The following NBEA variants were observed in gnomAD, a reference collection of about 807,000 sequenced individuals.
The protein encoded by NBEA is lysosomal-trafficking regulator 2.
Under a neutral mutation model 343.4 loss-of-function variants are expected in NBEA, and 44 were observed. That is an observed-to-expected ratio of 0.13 (90% CI 0.10 to 0.16). The LOEUF (loss-of-function observed/expected upper bound fraction) is 0.16, where lower values mean the gene tolerates loss of function less well. Among genes scored for constraint, NBEA ranks in the 10% least tolerant of loss-of-function variants. The probability of loss-of-function intolerance (pLI) is 1.00; values close to 1 mark genes in which losing one functional copy is unlikely to be tolerated. For missense variants in NBEA, 2,555 were observed against 3,631.3 expected, an observed-to-expected ratio of 0.70 and a Z score of 7.62; for synonymous variants, 1,175 against 1,238.7, an observed-to-expected ratio of 0.95 and a Z score of 1.08.
intron 18 of NBEA, among the ~76,000 whole-genome samples, chr13:35,150,793 TTAGAG>T (rs71078083): frequency 0.027 from 3,996 of 148,326 alleles, 70 homozygotes; most frequent in South Asian, 0.078. Context: ...TAATGATATT[TTAGAG>T]TAGAGTAGAG....
chr13:35,618,221 G>T (rs544010029), intron 48 of NBEA, among the ~76,000 whole-genome samples: 24 of 152,280 alleles, frequency 1.6e-4, no homozygotes, highest in African/African-American at 5.8e-4. Context: ...GTATGGATTA[G>T]TATTCTGTAC....
intron 38 of NBEA, among the ~76,000 whole-genome samples, chr13:35,368,020 G>A (rs182554295): frequency 2.1e-4 from 32 of 151,584 alleles, no homozygotes; most frequent in Non-Finnish European, 3.4e-4. Flanking sequence ...ATGTGTTATG[G>A]GCAGAGTTAT....
chr13:35,624,754 GATAAA>G (rs1454517276), intron 48 of NBEA, among the ~76,000 whole-genome samples: 1 of 151,722 alleles, frequency 6.6e-6, no homozygotes, highest in African/African-American at 2.4e-5. Context: ...AGAATATAAA[GATAAA>G]ATAAATTAAG....
chr13:35,269,749 G>T (rs1459075372), intron 34 of NBEA, among the ~76,000 whole-genome samples: 4 of 152,298 alleles, frequency 2.6e-5, no homozygotes, highest in African/African-American at 9.6e-5. Context: ...GGAAAGCTAT[G>T]TTTGTTTGGA....
chr13:35,056,204 A>G, intron 7 of NBEA, 75 bp downstream of exon 7: 1 of 1,208,722 alleles, frequency 8.3e-7, no homozygotes, highest in Non-Finnish European at 1.1e-6. Context: ...GAATTAAATA[A>G]TAAAATAGTT....
Position 35,288,871 on chromosome 13 carries a change from C to T in NBEA, c.5777-1518C>T, listed in dbSNP as rs549263030. Among the ~76,000 whole-genome samples, 9 of 151,872 alleles carry T rather than the reference C, an allele frequency of 5.9e-5. 1 individual carries two copies. The highest frequency in any genetic ancestry group is 2.6e-4 in the Admixed American group (4 of 15,180). On this transcript the variant is annotated intron_variant, in intron 34 of 58. Coordinates refer to ENST00000379939, the MANE Select transcript of NBEA (RefSeq NM_001385012.1). ...AGTAGTCAACAGGTGATAAATGTCC[C>T]ATTAATCTTTCTGACTCCCTAGAAC...
rs377168743 is a variant in NBEA, at chr13:35,146,609, G to C, written c.2445+4232G>C. Among the ~76,000 whole-genome samples the C allele has an allele frequency of 3.3e-5, 5 of 152,128 alleles. No individual in the cohort carries two copies. The East Asian group carries it at 9.7e-4, about 30-fold the overall frequency. ...GGGTCTGGTTGGGCTCCCTTGGCTG[G>C]GACAGGTATTGCGCCTGTGTCACAG... is the stretch of plus-strand genomic sequence containing the variant. On this transcript the variant is annotated intron_variant, in intron 18 of 58. Transcript: ENST00000379939.
Position 35,667,425 on chromosome 13 carries a change from A to C in NBEA, c.8516A>C (p.Glu2839Ala). Reference sequence around the variant, plus strand: ...ACTGGAGATTTGCTGAGAGCCCTTGAAGGACCAGAAAACTGCTTATTCCCA... The same window carrying C: ...ACTGGAGATTTGCTGAGAGCCCTTGCAGGACCAGAAAACTGCTTATTCCCA... Reference protein sequence around the residue: ...TITGDLLRALEGPENCLFPRL... With the variant: ...TITGDLLRALAGPENCLFPRL... Residue 2839 changes from glutamate to alanine, a missense_variant, in exon 57 of 59, where the codon GAA becomes GCA. Coordinates refer to ENST00000379939, the MANE Select transcript of NBEA (RefSeq NM_001385012.1). 1 of 1,613,972 alleles carries C rather than the reference A, an allele frequency of 6.2e-7. No individual in the cohort carries two copies.
At chr13:35,204,191 T>C (rs1474390536) in intron 31 of NBEA, among the ~76,000 whole-genome samples, 2 of 152,186 alleles carry the variant, frequency 1.3e-5, no homozygotes, top group Non-Finnish European at 2.9e-5. Flanking sequence ...CAAACCCTAC[T>C]GTGAACTGTG....
In NBEA at chr13:35,550,178, A is replaced by AC. The variant is rs1206222258; in HGVS notation, c.6586-298dup. ...GGAAAGAACCAACAATATATGTCTC[A>AC]CAGGTGGTCACCTGGTCCAATTAAT... On this transcript the variant is annotated intron_variant, in intron 41 of 58. Coordinates refer to ENST00000379939, the MANE Select transcript of NBEA (RefSeq NM_001385012.1). Among the ~76,000 whole-genome samples, 8 of 152,324 alleles carry AC rather than the reference A, an allele frequency of 5.3e-5. No individual in the cohort carries two copies. The East Asian group carries it at 1.5e-3, about 29-fold the overall frequency.
In NBEA at chr13:35,180,666, T is replaced by G. The variant is rs79750898; in HGVS notation, c.4663-1694T>G. On this transcript the variant is annotated intron_variant, in intron 28 of 58. Transcript: ENST00000379939. ...CTGTGCAGAATAATGGACTATTATT[T>G]CTTTTAAAAAATGTTCTATTTCCAT... Among the ~76,000 whole-genome samples the G allele has an allele frequency of 1.6e-3, 248 of 151,858 alleles. 2 individuals are homozygous for G. The East Asian group carries it at 0.021, about 13-fold the overall frequency.
intron 1 of NBEA, among the ~76,000 whole-genome samples, chr13:35,036,937 C>G (rs942942572): frequency 2.6e-5 from 4 of 152,092 alleles, no homozygotes; most frequent in African/African-American, 9.7e-5. Flanking sequence ...GATGTTTTCT[C>G]TAGGTTTGGT....
chr13:35,262,084 G>A (rs1053287833), intron 34 of NBEA, among the ~76,000 whole-genome samples: 1 of 152,162 alleles, frequency 6.6e-6, no homozygotes, highest in Non-Finnish European at 1.5e-5. Context: ...AACATCGTTA[G>A]CGATCAGGTA....
chr13:35,534,514 T>C (rs2078433195), intron 41 of NBEA, among the ~76,000 whole-genome samples: 1 of 152,178 alleles, frequency 6.6e-6, no homozygotes, highest in South Asian at 2.1e-4. Flanking sequence ...AGAGCTGCCA[T>C]CTATTGAGGG....
chr13:35,232,398 T>G (rs1376818220), intron 33 of NBEA, 94 bp from the exon 34 acceptor site: 3 of 865,442 alleles, frequency 3.5e-6, no homozygotes, highest in African/African-American at 3.4e-5. Flanking sequence ...GAAAGGACAT[T>G]TATGATTTTT....
chr13:35,239,114 C>A (rs2075368263), intron 34 of NBEA, among the ~76,000 whole-genome samples: 1 of 151,896 alleles, frequency 6.6e-6, no homozygotes, highest in Admixed American at 6.6e-5. Context: ...AAAATGCTGG[C>A]ATAATTTTTA....
intron 34 of NBEA, chr13:35,251,411 A>T: frequency 9.5e-7 from 1 of 1,054,886 alleles, no homozygotes; most frequent in South Asian, 3.0e-5. Context: ...CACTACAGAG[A>T]TCCTCGTCAG....
intron 38 of NBEA, among the ~76,000 whole-genome samples, chr13:35,422,727 GT>G (rs2044375070): frequency 6.6e-6 from 1 of 152,194 alleles, no homozygotes; most frequent in African/African-American, 2.4e-5. Context: ...TCGCCACACT[GT>G]CTTCCACAAT....
intron 38 of NBEA, among the ~76,000 whole-genome samples, chr13:35,414,783 C>G (rs1220349756): frequency 1.3e-5 from 2 of 152,138 alleles, no homozygotes; most frequent in Non-Finnish European, 2.9e-5. Flanking sequence ...ATTTCTAGTT[C>G]TAGATCCCTG....
Sources: gnomAD v4.1 joint callset for allele counts (sites outside exome capture counted in the v4.1 genomes callset) on GRCh38, gnomAD v4.1.1 for gene constraint, MANE v1.5 for transcripts, NCBI Gene and HGNC (gene_info 2026-07-23, HGNC 2026-07-21) for gene names.